The following STRN3 variants were observed in gnomAD, a reference collection of about 807,000 sequenced individuals.
STRN3 encodes the protein striatin-3.
A neutral mutation model predicts 95.6 loss-of-function variants in STRN3; 29 were observed. The ratio of observed to expected loss-of-function variants is 0.30; its 90% CI spans 0.23 to 0.41. The LOEUF is 0.41. STRN3 is among the 10% of genes least tolerant of loss of function. The pLI, the probability that STRN3 is intolerant of heterozygous loss-of-function variation, is 1.00. For synonymous variants in STRN3, 331 were observed against 357.6 expected, an observed-to-expected ratio of 0.93 and a Z score of 0.84; for missense variants, 890 against 972.1, an observed-to-expected ratio of 0.92 and a Z score of 1.12.
chr14:30,948,257 C>T (rs1383557870), intron 4 of STRN3, among the ~76,000 whole-genome samples: 1 of 152,050 alleles, frequency 6.6e-6, no homozygotes, highest in African/African-American at 2.4e-5. Context: ...CATATAGTGT[C>T]TATAAAAAAA....
intron 1 of STRN3, among the ~76,000 whole-genome samples, chr14:30,978,868 A>G (rs564660629): frequency 6.6e-6 from 1 of 152,118 alleles, no homozygotes; most frequent in South Asian, 2.1e-4. Context: ...CCCTGTCTCT[A>G]CTAAAAAATA....
At chr14:30,915,859 A>G (rs1020053256) in intron 9 of STRN3, among the ~76,000 whole-genome samples, 2 of 152,222 alleles carry the variant, frequency 1.3e-5, no homozygotes, top group African/African-American at 4.8e-5. Context: ...ATTTAGGAGC[A>G]TGTGAAGGGA....
chr14:30,985,517 C>G (rs932182663), intron 1 of STRN3, among the ~76,000 whole-genome samples: 1 of 151,750 alleles, frequency 6.6e-6, no homozygotes, highest in Non-Finnish European at 1.5e-5. Context: ...GGCAGGAGAA[C>G]CACTTCAATC....
chr14:30,990,775 T>G (rs775805297), intron 1 of STRN3, among the ~76,000 whole-genome samples: 2 of 152,238 alleles, frequency 1.3e-5, no homozygotes, highest in Non-Finnish European at 2.9e-5. Flanking sequence ...CCATATACTT[T>G]AAATTATCTC....
chr14:30,998,158 T>G lies in STRN3; in HGVS notation c.282+27746A>C, dbSNP rs1882288433. 2.0e-5 allele frequency among the ~76,000 whole-genome samples: 3 copies of G among 152,138 alleles called. No homozygotes were observed. The South Asian group carries it at 6.2e-4, about 32-fold the overall frequency. ...AAGTCCCATCCCTAAACAACTGTCA[T>G]CTGATATATCTGGTGGTTCTGTGGA... On this transcript the variant is annotated intron_variant, in intron 1 of 17. Coordinates refer to ENST00000357479, the MANE Select transcript of STRN3 (RefSeq NM_001083893.2).
rs1896101873 is a variant in STRN3, at chr14:30,895,077, A to AAAAAAAAAAAAAAAAAAAAAAAG, written c.*333_*334insCTTTTTTTTTTTTTTTTTTTTTT. On this transcript the variant is annotated 3_prime_UTR_variant, in exon 18 of 18. Coordinates refer to ENST00000357479, the MANE Select transcript of STRN3 (RefSeq NM_001083893.2). ...CCAAAAAAAAAAAAAAAAAAAAAAA[A>AAAAAAAAAAAAAAAAAAAAAAAG]AAGAAGAAGAAGAAGAGAAAAAAAA... is the stretch of plus-strand genomic sequence containing the variant. The AAAAAAAAAAAAAAAAAAAAAAAG allele has an allele frequency of 5.4e-6, 1 of 184,292 alleles. No individual in the cohort carries two copies. The highest frequency in any genetic ancestry group is 2.9e-5 in the African/African-American group (1 of 34,470). The allele number at this position is 184,292 out of a possible 1,614,324, so 11.4% of individuals were successfully genotyped here.
chr14:31,008,358 A>ACTAG (rs1397899113), intron 1 of STRN3, among the ~76,000 whole-genome samples: 1 of 151,242 alleles, frequency 6.6e-6, no homozygotes, highest in Non-Finnish European at 1.5e-5. Context: ...AAATACAAAA[A>ACTAG]CTAGCTGGGC....
chr14:30,998,922 A>G (rs1882321848), intron 1 of STRN3, among the ~76,000 whole-genome samples: 1 of 152,226 alleles, frequency 6.6e-6, no homozygotes, highest in African/African-American at 2.4e-5. Context: ...CCTGGGCAAC[A>G]CAGCAAGACC....
Position 30,911,179 on chromosome 14 carries a change from G to A in STRN3, c.1599-17C>T. 1 of 1,599,816 alleles carries A rather than the reference G, an allele frequency of 6.3e-7. No homozygotes were observed. The highest frequency in any genetic ancestry group is 8.5e-7 in the Non-Finnish European group (1 of 1,175,336). On this transcript the variant is annotated splice_polypyrimidine_tract_variant and intron_variant, in intron 12 of 17. Coordinates refer to ENST00000357479, the MANE Select transcript of STRN3 (RefSeq NM_001083893.2). ...ACAGGGCCGCTATTGTAGGAAGAGA[G>A]GAAAAACAAATTACTGATAAATTCT...
chr14:30,996,806 C>A (rs529694808), intron 1 of STRN3, among the ~76,000 whole-genome samples: 1 of 151,174 alleles, frequency 6.6e-6, no homozygotes, highest in Non-Finnish European at 1.5e-5. Flanking sequence ...ATGGAGAATG[C>A]AGTGAGCCGA....
intron 1 of STRN3, among the ~76,000 whole-genome samples, chr14:30,970,960 A>G (rs1387244188): frequency 2.0e-5 from 3 of 152,226 alleles, no homozygotes; most frequent in African/African-American, 4.8e-5. Context: ...GCCTGGAGTA[A>G]TAAGTCTTGC....
At chr14:30,967,290 GA>G (rs1880572221) in intron 1 of STRN3, among the ~76,000 whole-genome samples, 3 of 140,254 alleles carry the variant, frequency 2.1e-5, no homozygotes, top group Admixed American at 1.4e-4. Context: ...AGAGAGGGGG[GA>G]AAGAGAGGCG....
intron 1 of STRN3, among the ~76,000 whole-genome samples, chr14:30,961,490 G>A (rs1246894333): frequency 6.6e-6 from 1 of 152,226 alleles, no homozygotes; most frequent in Non-Finnish European, 1.5e-5. Context: ...TAACATTGTA[G>A]TGGGACGCAT....
chr14:30,951,064 A>T, intron 3 of STRN3, 120 bp from the exon 4 acceptor site: 1 of 830,832 alleles, frequency 1.2e-6, no homozygotes, highest in East Asian at 2.7e-5. Context: ...GACAGGAAAA[A>T]ATTAACTTTC....
intron 1 of STRN3, among the ~76,000 whole-genome samples, chr14:31,007,642 T>G (rs1440835600): frequency 6.6e-6 from 1 of 152,012 alleles, no homozygotes; most frequent in Non-Finnish European, 1.5e-5. Flanking sequence ...GTGGTTCACA[T>G]CCATAATTCC....
chr14:30,948,063 A>G (rs1034622722), intron 4 of STRN3, among the ~76,000 whole-genome samples: 8 of 99,454 alleles, frequency 8.0e-5, no homozygotes, highest in African/African-American at 2.4e-4. Flanking sequence ...AATAAATGTG[A>G]AAAAAAATAA....
chr14:30,900,443 C>CG (rs71112349), intron 16 of STRN3, among the ~76,000 whole-genome samples: 5,555 of 52,288 alleles, frequency 0.11, 256 homozygotes, highest in East Asian at 0.14. Context: ...GGGTGTGGGG[C>CG]GGGGGGGGGC....
intron 1 of STRN3, among the ~76,000 whole-genome samples, chr14:30,994,096 G>T (rs1019522760): frequency 6.6e-6 from 1 of 152,052 alleles, no homozygotes; most frequent in Admixed American, 6.5e-5. Flanking sequence ...GACTGGTCTT[G>T]AACTCCTGAC....
chr14:30,980,244 G>C (rs1276550442), intron 1 of STRN3, among the ~76,000 whole-genome samples: 1 of 151,878 alleles, frequency 6.6e-6, no homozygotes, highest in Non-Finnish European at 1.5e-5. Flanking sequence ...GACTCTGTAT[G>C]GGGGCGGGGA....
Sources: allele counts gnomAD v4.1 joint callset (sites outside exome capture counted in the v4.1 genomes callset), GRCh38; gene constraint gnomAD v4.1.1; transcripts MANE v1.5; gene names NCBI Gene and HGNC (gene_info 2026-07-23, HGNC 2026-07-21).